Variants in C1orf185 observed in about 807,000 individuals in gnomAD.
C1orf185 encodes the protein uncharacterized protein C1orf185.
C1orf185 carries 13 observed loss-of-function variants against 16.1 expected under a neutral mutation model. That is an observed-to-expected ratio of 0.81 (90% confidence interval 0.53 to 1.28). The LOEUF (loss-of-function observed/expected upper bound fraction) is 1.28. Among genes scored for constraint, C1orf185 ranks in the 50% most tolerant of loss-of-function variants. The pLI is 0.00. For missense variants in C1orf185, 220 were observed against 225.2 expected, an observed-to-expected ratio of 0.98 and a Z score of 0.15; for synonymous variants, 80 against 76.9, an observed-to-expected ratio of 1.04 and a Z score of -0.21.
At chr1:51,143,649 T>C (rs561020762) in intron 3 of C1orf185, among the ~76,000 whole-genome samples, 32 of 152,274 alleles carry the variant, frequency 2.1e-4, no homozygotes, top group African/African-American at 7.0e-4. Flanking sequence ...TACTCGGGAT[T>C]TTATAAAAAT....
chr1:51,124,201 C>T (rs559214711), intron 3 of C1orf185, among the ~76,000 whole-genome samples: 91 of 151,966 alleles, frequency 6.0e-4, no homozygotes, highest in Middle Eastern at 6.8e-3. Context: ...CCTGCCTCAG[C>T]CTCCCAAGTT....
At chr1:51,108,978 G>A (rs1298385112) in intron 1 of C1orf185, among the ~76,000 whole-genome samples, 1 of 151,968 alleles carries the variant, frequency 6.6e-6, no homozygotes, top group Non-Finnish European at 1.5e-5. Context: ...TTTATTTTTA[G>A]GTTTTTGAGA....
intron 3 of C1orf185, among the ~76,000 whole-genome samples, chr1:51,132,843 T>A (rs1646295443): frequency 6.6e-6 from 1 of 152,066 alleles, no homozygotes; most frequent in Admixed American, 6.6e-5. Flanking sequence ...GGAAAGCCCA[T>A]CAGACTAACT....
chr1:51,116,518 T>A (rs745955470), intron 2 of C1orf185, among the ~76,000 whole-genome samples: 5 of 152,108 alleles, frequency 3.3e-5, no homozygotes, highest in Non-Finnish European at 7.4e-5. Context: ...TTTGCTATGT[T>A]GTCCAGGTTG....
chr1:51,105,005 C>T (rs1026118142), intron 1 of C1orf185, among the ~76,000 whole-genome samples: 11 of 151,690 alleles, frequency 7.3e-5, no homozygotes, highest in Non-Finnish European at 1.5e-4. Context: ...TGCTCTGTCA[C>T]CCAGGCTGGA....
intron 3 of C1orf185, among the ~76,000 whole-genome samples, chr1:51,119,726 G>A (rs1482968725): frequency 6.6e-6 from 1 of 152,168 alleles, no homozygotes; most frequent in Non-Finnish European, 1.5e-5. Context: ...TTTAAGTACA[G>A]GAGTTTGAAG....
At chr1:51,140,793 T>C (rs925372054) in intron 3 of C1orf185, among the ~76,000 whole-genome samples, 6 of 152,252 alleles carry the variant, frequency 3.9e-5, no homozygotes, top group African/African-American at 1.4e-4. Context: ...TTATTACTTA[T>C]TTAATGTATC....
At chr1:51,146,884 A>G (rs1222584703) in intron 4 of C1orf185, among the ~76,000 whole-genome samples, 1 of 152,172 alleles carries the variant, frequency 6.6e-6, no homozygotes, top group Non-Finnish European at 1.5e-5. Flanking sequence ...TTCCCAATGC[A>G]GACCAAGTAT....
chr1:51,108,297 G>GT (rs1001150954), intron 1 of C1orf185, among the ~76,000 whole-genome samples: 6 of 150,820 alleles, frequency 4.0e-5, no homozygotes, highest in African/African-American at 7.3e-5. Flanking sequence ...TAAATTTTTG[G>GT]TTTTTTTTAA....
rs146926702 is a variant in C1orf185, at chr1:51,142,308, A to G, written c.259-3416A>G. 3.4e-3 allele frequency among the ~76,000 whole-genome samples: 524 copies of G among 152,278 alleles called. 2 individuals carry two copies. Among genetic ancestry groups the G allele is most frequent in the African/African-American group, 0.012 (517 of 41,564 alleles). ...AGGGACAATTCCTCAGCTTTTCTTC[A>G]TCTTTCATGACATTGGCATTTTTGA... On this transcript the variant is annotated intron_variant, in intron 3 of 4. Transcript: ENST00000371759.
chr1:51,121,941 T>G (rs1646200513), intron 3 of C1orf185, among the ~76,000 whole-genome samples: 1 of 152,182 alleles, frequency 6.6e-6, no homozygotes, highest in African/African-American at 2.4e-5. Context: ...TATCCTGTAA[T>G]TACAGCTAAT....
chr1:51,127,690 G>A (rs984953117), intron 3 of C1orf185, among the ~76,000 whole-genome samples: 1 of 151,830 alleles, frequency 6.6e-6, no homozygotes, highest in African/African-American at 2.4e-5. Context: ...AAAAGTTTTG[G>A]GGCTCACCCA....
chr1:51,121,658 A>C (rs1007736165), intron 3 of C1orf185, among the ~76,000 whole-genome samples: 12 of 152,312 alleles, frequency 7.9e-5, no homozygotes, highest in Admixed American at 7.8e-4. Flanking sequence ...TACTACAGGC[A>C]GACCTCTATG....
intron 3 of C1orf185, among the ~76,000 whole-genome samples, chr1:51,127,432 C>T (rs1013657573): frequency 2.6e-5 from 4 of 152,062 alleles, no homozygotes; most frequent in Admixed American, 6.6e-5. Context: ...GGACTACAGA[C>T]GCATGCCACC....
At chr1:51,133,390 G>A (rs1646299850) in intron 3 of C1orf185, among the ~76,000 whole-genome samples, 1 of 152,152 alleles carries the variant, frequency 6.6e-6, no homozygotes, top group Non-Finnish European at 1.5e-5. Flanking sequence ...AATAGAAAAA[G>A]CAGGAGTTGC....
chr1:51,120,498 C>T (rs148954912), intron 3 of C1orf185, among the ~76,000 whole-genome samples: 46 of 152,202 alleles, frequency 3.0e-4, no homozygotes, highest in East Asian at 9.7e-4. Flanking sequence ...TAGTGAGCAC[C>T]GTACAATTCT....
At chr1:51,115,667 A>G (rs1251817408) in intron 2 of C1orf185, among the ~76,000 whole-genome samples, 1 of 152,208 alleles carries the variant, frequency 6.6e-6, no homozygotes, top group Non-Finnish European at 1.5e-5. Context: ...AATGTATGAG[A>G]GTTCTGATTT....
In C1orf185 at chr1:51,115,846, T is replaced by C. The variant is rs1020886296; in HGVS notation, c.123-2820T>C. ...AGTAGAGGAGATGAAAAGATGGAGT[T>C]GGATCTGGGATAGGTTTTGCAGGTA... On this transcript the variant is annotated intron_variant, in intron 2 of 4. Transcript: ENST00000371759. Among the ~76,000 whole-genome samples, 8 of 152,168 alleles carry C rather than the reference T, an allele frequency of 5.3e-5. No homozygotes were observed. In the East Asian group the frequency reaches 1.5e-3, roughly 29 times the overall value.
downstream of C1orf185, among the ~76,000 whole-genome samples, chr1:51,151,099 T>C (rs1646427686): frequency 6.6e-6 from 1 of 152,204 alleles, no homozygotes; most frequent in Non-Finnish European, 1.5e-5. Context: ...TACAGATCTT[T>C]TGATTACATA....
Sources: gnomAD v4.1 joint callset for allele counts (sites outside exome capture counted in the v4.1 genomes callset) on GRCh38, gnomAD v4.1.1 for gene constraint, MANE v1.5 for transcripts, NCBI Gene and HGNC (gene_info 2026-07-23, HGNC 2026-07-21) for gene names.